The following EPHA5 variants were observed in gnomAD, a reference collection of about 807,000 sequenced individuals.
EPHA5 encodes ephrin type-A receptor 5.
EPHA5 carries 60 observed loss-of-function variants against 105.0 expected under a neutral mutation model. The observed-to-expected ratio is 0.57, with a 90% CI of 0.46 to 0.71. The LOEUF (loss-of-function observed/expected upper bound fraction) is 0.71, where lower values mean the gene tolerates loss of function less well. Ranked by LOEUF, EPHA5 falls within the 30% of genes least tolerant of loss-of-function variation. The pLI, the probability that EPHA5 is intolerant of heterozygous loss-of-function variation, is 0.00. For missense variants in EPHA5, 1,218 were observed against 1,274.7 expected, an observed-to-expected ratio of 0.96 and a Z score of 0.68; for synonymous variants, 513 against 449.1, an observed-to-expected ratio of 1.14 and a Z score of -1.80.
At chr4:65,666,755 C>G (rs978518648) in intron 1 of EPHA5, among the ~76,000 whole-genome samples, 1 of 152,170 alleles carries the variant, frequency 6.6e-6, no homozygotes, top group Non-Finnish European at 1.5e-5. Flanking sequence ...AAATTTTCCT[C>G]TTATTGTCTG....
chr4:65,410,272 T>A (rs887533672), intron 7 of EPHA5, among the ~76,000 whole-genome samples: 1 of 152,182 alleles, frequency 6.6e-6, no homozygotes, highest in Non-Finnish European at 1.5e-5. Flanking sequence ...TCTGGATCAA[T>A]CTGCAGGGAA....
At chr4:65,630,280 G>A (rs1360881628) in intron 2 of EPHA5, among the ~76,000 whole-genome samples, 2 of 152,102 alleles carry the variant, frequency 1.3e-5, no homozygotes, top group African/African-American at 4.8e-5. Context: ...GGGCGGGTGG[G>A]CTCAAGCATG....
intron 1 of EPHA5, among the ~76,000 whole-genome samples, chr4:65,655,698 C>A (rs1748996307): frequency 6.6e-6 from 1 of 152,018 alleles, no homozygotes; most frequent in African/African-American, 2.4e-5. Flanking sequence ...TTCCAAGTTG[C>A]AGAAGTATAG....
At chr4:65,406,983 C>A (rs1722423363) in intron 7 of EPHA5, among the ~76,000 whole-genome samples, 1 of 151,918 alleles carries the variant, frequency 6.6e-6, no homozygotes, top group Admixed American at 6.6e-5. Context: ...TTATGTTTCT[C>A]CCCATACATC....
At chr4:65,647,376 T>C (rs1210669755) in intron 1 of EPHA5, among the ~76,000 whole-genome samples, 1 of 142,170 alleles carries the variant, frequency 7.0e-6, no homozygotes, top group African/African-American at 2.6e-5. Context: ...AGGGTATATA[T>C]AAATGTGAAT....
rs1731284202 is a variant in EPHA5 at position 65,490,418 on chromosome 4, G to A, written c.1361C>T (p.Ala454Val). The A allele has an allele frequency of 1.2e-6, 2 of 1,613,974 alleles. No individual in the cohort carries two copies. The highest frequency in any genetic ancestry group is 1.3e-5 in the African/African-American group (1 of 74,910). Residue 454 changes from alanine to valine, a missense_variant, in exon 5 of 17, where the codon GCC (alanine) becomes GTC (valine). Physicochemically the swap from Ala to Val is moderately conservative, Grantham distance 64. Around this residue, in one of 3 missense-constraint regions of EPHA5, gnomAD observed 971 missense variants for 1,013.5 expected, o/e 0.96. Transcript: ENST00000613740. ...TACATTTACAGACACATACTGCCGG[G>A]CTCCTGGGCTCAAGTCGGACACTCC... is the stretch of plus-strand genomic sequence containing the variant. ...VNGVSDLSPG[A>V]RQYVSVNVTT...
intron 2 of EPHA5, among the ~76,000 whole-genome samples, chr4:65,635,464 C>T (rs4410579): frequency 0.86 from 130,494 of 152,118 alleles, 56,378 homozygotes; most frequent in Non-Finnish European, 0.91. Flanking sequence ...GCAATACAAC[C>T]GATGCTCAGG....
At chr4:65,452,213 C>T (rs1045820754) in intron 5 of EPHA5, among the ~76,000 whole-genome samples, 2 of 152,028 alleles carry the variant, frequency 1.3e-5, no homozygotes, top group Non-Finnish European at 2.9e-5. Flanking sequence ...TTGTGTTTAA[C>T]CACTTCAGAG....
At chr4:65,342,127 A>G (rs115230593) in intron 14 of EPHA5, among the ~76,000 whole-genome samples, 1,745 of 151,018 alleles carry the variant, frequency 0.012, 11 homozygotes, top group Non-Finnish European at 0.019. Context: ...GAGTTGTAGA[A>G]TCCAAGATGA....
At chr4:65,616,191 T>G (rs2149467642) in intron 2 of EPHA5, among the ~76,000 whole-genome samples, 1 of 152,066 alleles carries the variant, frequency 6.6e-6, no homozygotes, top group East Asian at 1.9e-4. Flanking sequence ...CACAAAACGT[T>G]AATACTTTAT....
At chr4:65,458,073 CAA>C (rs10565968) in intron 5 of EPHA5, among the ~76,000 whole-genome samples, 19,099 of 73,632 alleles carry the variant, frequency 0.26, 865 homozygotes, top group East Asian at 0.42. Context: ...CACTCCATCC[CAA>C]AAAAAAAAAA....
chr4:65,448,769 T>A (rs1726804609), intron 5 of EPHA5, among the ~76,000 whole-genome samples: 1 of 152,168 alleles, frequency 6.6e-6, no homozygotes, highest in African/African-American at 2.4e-5. Context: ...GTGTATTATA[T>A]ATTACAGAGG....
At chr4:65,606,072 C>G in intron 2 of EPHA5, among the ~76,000 whole-genome samples, 1 of 152,156 alleles carries the variant, frequency 6.6e-6, no homozygotes, top group South Asian at 2.1e-4. Context: ...CATGTCTCTG[C>G]CTCAAAGGGT....
At chr4:65,411,812 T>C (rs1421733530) in intron 7 of EPHA5, among the ~76,000 whole-genome samples, 1 of 152,212 alleles carries the variant, frequency 6.6e-6, no homozygotes, top group Non-Finnish European at 1.5e-5. Context: ...GATTCTTTAT[T>C]AGACAATAGG....
chr4:65,392,305 A>G lies in EPHA5; in HGVS notation c.1793+12069T>C, dbSNP rs1397851205. The stretch of plus-strand genomic sequence containing the variant: ...ATTTTTTCCAGTTTTACAAAGTCAC[A>G]TCTATTGCTAACTCATAAGCTTCTG... On this transcript the variant is annotated intron_variant, in intron 8 of 16. Coordinates refer to ENST00000613740, the MANE Select transcript of EPHA5 (RefSeq NM_001281766.3). 2.6e-5 allele frequency among the ~76,000 whole-genome samples: 4 copies of G among 152,150 alleles called. No individual in the cohort carries two copies. The East Asian group carries it at 7.7e-4, about 29-fold the overall frequency.
chr4:65,335,582 C>T (rs557385614), intron 15 of EPHA5, among the ~76,000 whole-genome samples: 1 of 152,080 alleles, frequency 6.6e-6, no homozygotes, highest in Non-Finnish European at 1.5e-5. Flanking sequence ...GCTTAATTGG[C>T]TTTTTCTTAT....
chr4:65,613,194 A>T (rs1744931481), intron 2 of EPHA5, among the ~76,000 whole-genome samples: 1 of 151,814 alleles, frequency 6.6e-6, no homozygotes, highest in Non-Finnish European at 1.5e-5. Flanking sequence ...TAGGTCTGTG[A>T]CTTTATTTCT....
intron 3 of EPHA5, among the ~76,000 whole-genome samples, chr4:65,555,930 A>G (rs927234606): frequency 3.3e-5 from 5 of 152,160 alleles, no homozygotes; most frequent in Non-Finnish European, 7.3e-5. Flanking sequence ...ACTATGGAAA[A>G]CATATAACAG....
chr4:65,557,233 G>GATATATATATATATAT (rs61008833), intron 3 of EPHA5, among the ~76,000 whole-genome samples: 6,854 of 90,324 alleles, frequency 0.076, 491 homozygotes, highest in African/African-American at 0.089. Flanking sequence ...TTTATACTGG[G>GATATATATATATATAT]ATATATATAT....
Sources: gnomAD v4.1 joint callset for allele counts (sites outside exome capture counted in the v4.1 genomes callset) on GRCh38, gnomAD v4.1.1 for gene constraint, gnomAD v4.1.1 regional missense constraint, MANE v1.5 for transcripts, NCBI Gene and HGNC (gene_info 2026-07-23, HGNC 2026-07-21) for gene names.